The following CFAP46 variants were observed in gnomAD, a reference collection of about 807,000 sequenced individuals.
CFAP46 encodes the protein cilia- and flagella-associated protein 46.
A neutral mutation model predicts 325.7 loss-of-function variants in CFAP46; 245 were observed. The observed-to-expected ratio is 0.75, with a 90% CI of 0.68 to 0.84. The LOEUF (loss-of-function observed/expected upper bound fraction) is 0.84. Ranked by LOEUF, CFAP46 falls within the 40% of genes least tolerant of loss-of-function variation. CFAP46 has a pLI of 0.00. For missense variants in CFAP46, 3,346 were observed against 3,543.0 expected (o/e 0.94, Z 1.41); for synonymous variants, 1,523 against 1,495.9 (o/e 1.02, Z -0.42).
chr10:132,858,961 C>T (rs1848686734), intron 38 of CFAP46, 110 bp downstream of exon 38: 9 of 1,184,666 alleles, frequency 7.6e-6, no homozygotes, highest in Middle Eastern at 2.1e-4. Flanking sequence ...CTGTGGACCC[C>T]GCGGGGGTGC....
chr10:132,919,205 T>C lies in CFAP46; in HGVS notation c.1858+110A>G. On this transcript the variant is annotated intron_variant, in intron 15 of 57. Transcript: ENST00000368586. This position sits in a 1 kb window ranked among gnomAD's most constrained non-coding sequence, Gnocchi z 9.7. The stretch of plus-strand genomic sequence containing the variant: ...CTACCATTGTGACTTAGCAATACGC[T>C]TTCTCATGCGAAGGCCCCATGGGTT... 8.5e-7 allele frequency: 1 copy of C among 1,180,694 alleles called. No homozygotes were observed. Among genetic ancestry groups the C allele is most frequent in the Non-Finnish European group, 1.1e-6 (1 of 872,100 alleles). 73.1% of individuals were successfully genotyped at this position (1,180,694 alleles called of 1,614,324 possible). A position where few individuals can be genotyped will look rare whatever the true frequency, so the allele number is the denominator to read the frequency against.
Position 132,827,646 on chromosome 10 carries a change from C to T in CFAP46, c.7117+5712G>A, listed in dbSNP as rs753577045. Among the ~76,000 whole-genome samples the T allele has an allele frequency of 1.1e-4, 17 of 152,052 alleles. No individual in the cohort carries two copies. The highest frequency in any genetic ancestry group is 1.8e-4 in the Non-Finnish European group (12 of 68,030). On this transcript the variant is annotated intron_variant, in intron 50 of 57. Coordinates refer to ENST00000368586, the MANE Select transcript of CFAP46 (RefSeq NM_001200049.3). The surrounding 1 kb of genome is among the most constrained non-coding windows in gnomAD (Gnocchi z 5.7). ...CCTGCATTTAAAGTGAGCAACGTGA[C>T]GGGACTGGACGCTGCACGCCAGCAA...
chr10:132,925,379 G>A (rs964708581), intron 10 of CFAP46, among the ~76,000 whole-genome samples: 6 of 152,358 alleles, frequency 3.9e-5, no homozygotes, highest in African/African-American at 1.4e-4. Flanking sequence ...TGGCTTCCAC[G>A]GGGGCCTAGC....
chr10:132,819,267 G>T (rs1847752607), intron 50 of CFAP46, among the ~76,000 whole-genome samples: 1 of 152,200 alleles, frequency 6.6e-6, no homozygotes. Context: ...ATAAATAAAT[G>T]GGAAGATATC....
intron 10 of CFAP46, 119 bp downstream of exon 10, chr10:132,926,449 A>G: frequency 1.4e-6 from 1 of 722,584 alleles, no homozygotes; most frequent in Non-Finnish European, 2.4e-6. Context: ...GGGCGAGTCT[A>G]GCAGTGGGGT....
chr10:132,916,299 T>C (rs4242710), intron 17 of CFAP46, among the ~76,000 whole-genome samples: 62,144 of 152,140 alleles, frequency 0.41, 13,349 homozygotes, highest in East Asian at 0.56. Flanking sequence ...CCTGAACGTT[T>C]CCTCGTAGTA....
intron 55 of CFAP46, among the ~76,000 whole-genome samples, chr10:132,811,319 G>A (rs1164055628): frequency 6.6e-6 from 1 of 152,186 alleles, no homozygotes; most frequent in Non-Finnish European, 1.5e-5. Context: ...AGCCTCCTCT[G>A]CCCTGGAGGG....
Position 132,834,683 on chromosome 10 carries a change from T to C in CFAP46, c.6837A>G (p.Leu2279=). The change falls in exon 48 of 58, where the codon CTA becomes CTG. Residue 2279 remains leucine (L), a synonymous_variant. Coordinates refer to ENST00000368586, the MANE Select transcript of CFAP46 (RefSeq NM_001200049.3). ...LGPLEELLQP[L]FPLLSLSKAR... ...CCTTGGAGAGGCTGAGCAGGGGGAA[T>C]AGCGGCTGCAGAAGCTCCTCCAGGG... 1 of 1,613,058 alleles carries C rather than the reference T, an allele frequency of 6.2e-7. No homozygotes were observed. The highest frequency in any genetic ancestry group is 8.5e-7 in the Non-Finnish European group (1 of 1,179,954).
intron 22 of CFAP46, among the ~76,000 whole-genome samples, chr10:132,906,134 A>G (rs916729886): frequency 3.9e-5 from 6 of 152,240 alleles, no homozygotes; most frequent in African/African-American, 1.2e-4. Context: ...GCTCCAGACC[A>G]ACTCTGCTCC....
chr10:132,877,759 T>G lies in CFAP46; in HGVS notation c.4212+122A>C, dbSNP rs1174279616. On this transcript the variant is annotated intron_variant, in intron 30 of 57. Transcript: ENST00000368586. This position sits in a 1 kb window ranked among gnomAD's most constrained non-coding sequence, Gnocchi z 5.7. ...GGCAGGGAAACTGAGGCACAGGCCA[T>G]CCCGGGCCCGGCCTCTGCACTGAGG... 8.8e-6 allele frequency: 9 copies of G among 1,018,954 alleles called. No individual in the cohort carries two copies. The African/African-American group carries it at 1.5e-4, about 17-fold the overall frequency. The allele number at this position is 1,018,954 out of a possible 1,614,324, so 63.1% of individuals were successfully genotyped here. A position where few individuals can be genotyped will look rare whatever the true frequency, so the allele number is the denominator to read the frequency against.
intron 18 of CFAP46, 57 bp downstream of exon 18, chr10:132,912,989 G>A: frequency 6.5e-7 from 1 of 1,529,262 alleles, no homozygotes; most frequent in African/African-American, 1.4e-5. Flanking sequence ...CTTTGCTCTG[G>A]GGTCTCCCAA....
At chr10:132,913,369 A>AATTTT in intron 17 of CFAP46, 111 bp from the exon 18 acceptor site, 1 of 295,710 alleles carries the variant, frequency 3.4e-6, no homozygotes, top group Non-Finnish European at 6.8e-6. Context: ...AAGAAGTGGG[A>AATTTT]GGGGCGGGTG....
At chr10:132,926,984 G>A (rs536458186) in intron 9 of CFAP46, among the ~76,000 whole-genome samples, 11 of 152,180 alleles carry the variant, frequency 7.2e-5, no homozygotes, top group Non-Finnish European at 1.3e-4. Context: ...TTGGCGGCCC[G>A]GGGCTGCGCT....
chr10:132,845,853 G>A (rs751328555), intron 44 of CFAP46, among the ~76,000 whole-genome samples: 11 of 152,186 alleles, frequency 7.2e-5, no homozygotes, highest in African/African-American at 1.2e-4. Context: ...CACGTGGGCC[G>A]TTACTACCCC....
chr10:132,887,466 T>C (rs549645423), intron 25 of CFAP46, among the ~76,000 whole-genome samples: 41 of 96,878 alleles, frequency 4.2e-4, no homozygotes, highest in African/African-American at 1.5e-3. Flanking sequence ...TCTCCCCTCT[T>C]CTCTCTCTCC....
intron 53 of CFAP46, 137 bp downstream of exon 53, chr10:132,814,440 C>T: frequency 1.7e-6 from 2 of 1,205,754 alleles, no homozygotes; most frequent in Non-Finnish European, 2.3e-6. Flanking sequence ...AAAATATTTA[C>T]AGCCAAAATG....
chr10:132,931,435 C>A (rs1386936519), intron 8 of CFAP46, among the ~76,000 whole-genome samples: 2 of 145,304 alleles, frequency 1.4e-5, no homozygotes, highest in Non-Finnish European at 3.0e-5. Flanking sequence ...ACACTCTCCA[C>A]TCAGAGACTG....
chr10:132,897,799 C>A lies in CFAP46; in HGVS notation c.3219+1160G>T, dbSNP rs900380866. Among the ~76,000 whole-genome samples, 7 of 152,358 alleles carry A rather than the reference C, an allele frequency of 4.6e-5. No homozygotes were observed. In the South Asian group the frequency reaches 6.2e-4, roughly 14 times the overall value. Reference sequence around the variant, plus strand: ...GGAGGGTCCCTTTGCCTAGACCACACTGGATGAGGAGGCAGTCCCCCGGAG... The same window carrying A: ...GGAGGGTCCCTTTGCCTAGACCACAATGGATGAGGAGGCAGTCCCCCGGAG... On this transcript the variant is annotated intron_variant, in intron 24 of 57. Transcript: ENST00000368586.
In CFAP46 at chr10:132,827,889, C is replaced by T. The variant is rs1848085354; in HGVS notation, c.7117+5469G>A. On this transcript the variant is annotated intron_variant, in intron 50 of 57. Transcript: ENST00000368586. The surrounding 1 kb of genome is among the most constrained non-coding windows in gnomAD (Gnocchi z 5.7). ...ACCATCCCTGTGCACTCCCTTGATC[C>T]AGCCTCTTTCCCTCAGCGTAATCCT... 1.3e-5 allele frequency among the ~76,000 whole-genome samples: 2 copies of T among 151,572 alleles called. No homozygotes were observed. The highest frequency in any genetic ancestry group is 1.5e-5 in the Non-Finnish European group (1 of 68,004).
Sources: allele counts gnomAD v4.1 joint callset (sites outside exome capture counted in the v4.1 genomes callset), GRCh38; gene constraint gnomAD v4.1.1; non-coding constraint Gnocchi (gnomAD v3.1); transcripts MANE v1.5; gene names NCBI Gene and HGNC (gene_info 2026-07-23, HGNC 2026-07-21).